Variants in FARSA observed in about 807,000 individuals in gnomAD.
FARSA encodes phenylalanine--tRNA ligase alpha subunit.
FARSA carries 37 observed loss-of-function variants against 63.2 expected under a neutral mutation model. The ratio of observed to expected loss-of-function variants is 0.59; its 90% confidence interval spans 0.45 to 0.77. The LOEUF (loss-of-function observed/expected upper bound fraction) is 0.77. Ranked by LOEUF, FARSA falls within the 30% of genes least tolerant of loss-of-function variation. The pLI, the probability that FARSA is intolerant of heterozygous loss-of-function variation, is 0.00. For synonymous variants in FARSA, 312 were observed against 285.1 expected, an observed-to-expected ratio of 1.09 and a Z score of -0.95; for missense variants, 618 against 696.6, an observed-to-expected ratio of 0.89 and a Z score of 1.27.
intron 7 of FARSA, among the ~76,000 whole-genome samples, chr19:12,926,851 T>C (rs1389495129): frequency 6.6e-6 from 1 of 152,220 alleles, no homozygotes; most frequent in Non-Finnish European, 1.5e-5. Flanking sequence ...CCAAGTTTCC[T>C]TCTTTGTAAA....
chr19:12,932,166 T>A (rs924936707), intron 1 of FARSA, among the ~76,000 whole-genome samples: 2 of 151,710 alleles, frequency 1.3e-5, no homozygotes, highest in Admixed American at 1.3e-4. Flanking sequence ...GTAGCTGGGA[T>A]TACGGGTGCC....
intron 12 of FARSA, among the ~76,000 whole-genome samples, 180 bp downstream of exon 12, chr19:12,923,971 C>T (rs1971295355): frequency 6.6e-6 from 1 of 152,214 alleles, no homozygotes; most frequent in Non-Finnish European, 1.5e-5. Flanking sequence ...ACCCCAGATT[C>T]AGAGGGAGGG....
Position 12,924,069 on chromosome 19 carries a change from G to A in FARSA, c.1388+82C>T. 2.0e-6 allele frequency: 2 copies of A among 1,010,124 alleles called. No individual in the cohort carries two copies. The highest frequency in any genetic ancestry group is 3.2e-6 in the Non-Finnish European group (2 of 634,624). The allele number at this position is 1,010,124 out of a possible 1,614,324, so 62.6% of individuals were successfully genotyped here. ...TTGTCCATTGGATGAATGAATGGGT[G>A]GTGCTGAAACCACGCAGGCCCCTAT... On this transcript the variant is annotated intron_variant, in intron 12 of 12. Coordinates refer to ENST00000314606, the MANE Select transcript of FARSA (RefSeq NM_004461.3). The surrounding 1 kb of genome is among the most constrained non-coding windows in gnomAD (Gnocchi z 6.4).
At position 12,928,648 on chromosome 19, in the gene FARSA, G is replaced by A. The variant is rs981982517; in HGVS notation, c.612C>T (p.Asp204=). The A allele has an allele frequency of 6.2e-7, 1 of 1,611,382 alleles. No homozygotes were observed. The highest frequency in any genetic ancestry group is 8.5e-7 in the Non-Finnish European group (1 of 1,178,714). ...PEMISSGSWR[D]RPFKPYNFLA... ...AGAAGTTGTAGGGCTTGAAGGGCCG[G>A]TCCCGCCAAGAGCCACTGGGGGAGG... The change falls in exon 6 of 13, where the codon GAC becomes GAT. Residue 204 remains aspartate, a synonymous_variant. Transcript: ENST00000314606.
chr19:12,924,852 C>T lies in FARSA; in HGVS notation c.1027-45G>A, dbSNP rs1253721869. On this transcript the variant is annotated intron_variant, in intron 9 of 12. Coordinates refer to ENST00000314606, the MANE Select transcript of FARSA (RefSeq NM_004461.3). The surrounding 1 kb of genome is among the most constrained non-coding windows in gnomAD (Gnocchi z 6.4). ...CAGGCCCAGGTATGGGTCAGAAGGT[C>T]CCTTTGACAGCACCCTCTCCCCACT... is the stretch of plus-strand genomic sequence containing the variant. The T allele has an allele frequency of 2.5e-6, 4 of 1,613,820 alleles. No individual in the cohort carries two copies. The African/African-American group carries it at 4.0e-5, about 16-fold the overall frequency.
Position 12,922,626 on chromosome 19 carries a change from G to A in FARSA, c.*122C>T, listed in dbSNP as rs1444385493. 1.6e-6 allele frequency: 2 copies of A among 1,272,416 alleles called. No individual in the cohort carries two copies. The highest frequency in any genetic ancestry group is 2.7e-5 in the South Asian group (2 of 74,064). The allele number at this position is 1,272,416 out of a possible 1,614,324, so 78.8% of individuals were successfully genotyped here. On this transcript the variant is annotated 3_prime_UTR_variant, in exon 13 of 13. Transcript: ENST00000314606. ...GGGATTCTGGTCCTGGGACAGGTGG[G>A]AAAGAGGAAGGTGGGGGCTGGCCTC...
At chr19:12,933,199 G>C (rs1054395920) in intron 1 of FARSA, 8 of 289,212 alleles carry the variant, frequency 2.8e-5, no homozygotes, top group African/African-American at 9.0e-5. Flanking sequence ...TGACCCCCAA[G>C]GCTGGGTCAG....
intron 7 of FARSA, among the ~76,000 whole-genome samples, chr19:12,926,863 AG>A (rs1258213063): frequency 2.0e-5 from 3 of 152,222 alleles, no homozygotes; most frequent in African/African-American, 7.2e-5. Flanking sequence ...CTTTGTAAAA[AG>A]GGGTAACAGT....
rs908655552 is a variant in FARSA, at chr19:12,930,289, C to T, written c.437G>A (p.Gly146Glu). The change falls in exon 4 of 13, where the codon GGA becomes GAA. Residue 146 changes from glycine (G) to glutamate (E), a missense_variant. Gly to Glu is a moderately conservative substitution (Grantham distance 98). Coordinates refer to ENST00000314606, the MANE Select transcript of FARSA (RefSeq NM_004461.3). ...VQRRLQLVRG[G>E]QAEKLGEKER... ...CTTCTCCCCCAGCTTCTCAGCCTGT[C>T]CCCCCCGGACCAGCTGGAGCCGCCG... The T allele has an allele frequency of 2.5e-6, 4 of 1,612,790 alleles. No individual in the cohort carries two copies. The East Asian group carries it at 6.7e-5, about 27-fold the overall frequency.
intron 1 of FARSA, among the ~76,000 whole-genome samples, chr19:12,932,011 C>T (rs1376912094): frequency 1.3e-5 from 2 of 151,718 alleles, no homozygotes; most frequent in East Asian, 1.9e-4. Context: ...TATATAGTGC[C>T]TACCACGTGA....
chr19:12,927,911 A>G (rs1246003888), intron 7 of FARSA, among the ~76,000 whole-genome samples: 3 of 149,270 alleles, frequency 2.0e-5, no homozygotes, highest in African/African-American at 7.4e-5. Flanking sequence ...AATCCCAGCT[A>G]CTCGGGAGGC....
Position 12,922,598 on chromosome 19 carries a change from C to T in FARSA, c.*150G>A. 1.1e-6 allele frequency: 1 copy of T among 950,598 alleles called. No individual in the cohort carries two copies. The allele number at this position is 950,598 out of a possible 1,614,324, so 58.9% of individuals were successfully genotyped here. ...GGAACCTGCTACCCAGTCCTCTGTC[C>T]CTGGGATTCTGGTCCTGGGACAGGT... On this transcript the variant is annotated 3_prime_UTR_variant, in exon 13 of 13. Coordinates refer to ENST00000314606, the MANE Select transcript of FARSA (RefSeq NM_004461.3).
chr19:12,926,651 C>T (rs983765524), intron 7 of FARSA, among the ~76,000 whole-genome samples: 21 of 151,686 alleles, frequency 1.4e-4, no homozygotes, highest in African/African-American at 4.8e-4. Flanking sequence ...CTCAAACTCC[C>T]AGGCTCAAGC....
At chr19:12,929,482 C>G (rs976270755) in intron 4 of FARSA, among the ~76,000 whole-genome samples, 2 of 152,364 alleles carry the variant, frequency 1.3e-5, no homozygotes. Flanking sequence ...GCTGGGATTA[C>G]AGGCATGAGC....
rs34586259 is a variant in FARSA, at chr19:12,928,023, C to CA, written c.841+318dup. Among the ~76,000 whole-genome samples the CA allele has an allele frequency of 9.1e-3, 669 of 73,180 alleles. 71 individuals are homozygous for CA. Among genetic ancestry groups the CA allele is most frequent in the African/African-American group, 0.024 (509 of 20,982 alleles). The allele number at this position is 73,180 out of a possible 152,430, so 48.0% of individuals were successfully genotyped here. A position where few individuals can be genotyped will look rare whatever the true frequency, so the allele number is the denominator to read the frequency against. On this transcript the variant is annotated intron_variant, in intron 7 of 12. Transcript: ENST00000314606. ...TGGGCGACAGAGTGAGACCCTGTCT[C>CA]AAAAAAAAAAAAAAAAAAAAAAAAG...
chr19:12,928,292 C>T lies in FARSA; in HGVS notation c.841+50G>A, dbSNP rs754463538. On this transcript the variant is annotated intron_variant, in intron 7 of 12. Transcript: ENST00000314606. ...GATGCCCATCCTGTAAAGGCTCCGC[C>T]GTGGCCTGGTGTCTCTCATGTCTCA... 3.4e-5 allele frequency: 50 copies of T among 1,464,368 alleles called. No individual in the cohort carries two copies. In the Admixed American group the frequency reaches 3.9e-4, roughly 11 times the overall value. The allele number at this position is 1,464,368 out of a possible 1,614,324, so 90.7% of individuals were successfully genotyped here. A position where few individuals can be genotyped will look rare whatever the true frequency, so the allele number is the denominator to read the frequency against.
At chr19:12,930,884 C>T (rs886120221) in intron 1 of FARSA, 135 bp from the exon 2 acceptor site, 2 of 994,672 alleles carry the variant, frequency 2.0e-6, no homozygotes, top group Admixed American at 2.2e-5. Context: ...TACAACTTTA[C>T]AGCCAAGTGG....
chr19:12,922,876 T>C lies in FARSA; in HGVS notation c.1399A>G (p.Ile467Val), dbSNP rs1286011153. ...CGGATATTGTTGATGCCATATTTGATCATCGTTGGGCTTGTGGGGGAGGGA... is the reference window on the plus strand; with the variant it reads ...CGGATATTGTTGATGCCATATTTGACCATCGTTGGGCTTGTGGGGGAGGGA... ...WGLSLERPTM[I>V]KYGINNIREL... Residue 467 changes from isoleucine (I) to valine (V), a missense_variant, in exon 13 of 13, where the codon ATC becomes GTC. Coordinates refer to ENST00000314606, the MANE Select transcript of FARSA (RefSeq NM_004461.3). 6.2e-7 allele frequency: 1 copy of C among 1,614,140 alleles called. No individual in the cohort carries two copies. Among genetic ancestry groups the C allele is most frequent in the East Asian group, 2.2e-5 (1 of 44,870 alleles).
chr19:12,932,801 G>A (rs1364637322), intron 1 of FARSA, among the ~76,000 whole-genome samples: 1 of 152,152 alleles, frequency 6.6e-6, no homozygotes, highest in African/African-American at 2.4e-5. Context: ...AAGTCAGAAG[G>A]CTGGACTTCA....
Sources: allele counts gnomAD v4.1 joint callset (sites outside exome capture counted in the v4.1 genomes callset), GRCh38; gene constraint gnomAD v4.1.1; non-coding constraint Gnocchi (gnomAD v3.1); transcripts MANE v1.5; gene names NCBI Gene and HGNC (gene_info 2026-07-23, HGNC 2026-07-21).